GRM4: variants seen among roughly 807,000 people sequenced by gnomAD.
The protein encoded by GRM4 is metabotropic glutamate receptor 4.
GRM4 carries 28 observed loss-of-function variants against 81.7 expected under a neutral mutation model. The observed-to-expected ratio is 0.34, with a 90% CI of 0.25 to 0.47. The LOEUF is 0.47. GRM4 is among the 20% of genes least tolerant of loss of function. The probability of loss-of-function intolerance (pLI) is 1.00; values close to 1 mark genes in which losing one functional copy is unlikely to be tolerated. For missense variants in GRM4, 948 were observed against 1,290.0 expected (o/e 0.73, Z 4.06); for synonymous variants, 488 against 528.8 (o/e 0.92, Z 1.06).
chr6:34,029,443 C>G (rs563858867), intron 9 of GRM4, among the ~76,000 whole-genome samples: 2 of 152,130 alleles, frequency 1.3e-5, no homozygotes, highest in African/African-American at 2.4e-5. Context: ...TCTGGCAGTA[C>G]CCCCCATGTA....
In GRM4 at chr6:34,133,095, G is replaced by A; in HGVS notation, c.402C>T (p.Val134=). The A allele has an allele frequency of 1.2e-6, 2 of 1,614,096 alleles. No homozygotes were observed. Among genetic ancestry groups the A allele is most frequent in the South Asian group, 1.1e-5 (1 of 91,072 alleles). The change falls in exon 2 of 11, where the codon GTC becomes GTT. Residue 134 remains valine (V), a synonymous_variant. Transcript: ENST00000538487. This position sits in a 1 kb window ranked among gnomAD's most constrained non-coding sequence, Gnocchi z 6.5. The part of the protein sequence containing the change: ...QALIEKDGTE[V]RCGSGGPPII... ...TGGGTGGGCCGCCACTGCCACAGCG[G>A]ACCTCTGTGCCATCCTTCTCGATGA... is the stretch of plus-strand genomic sequence containing the variant.
intron 2 of GRM4, among the ~76,000 whole-genome samples, chr6:34,095,884 G>A (rs538637843): frequency 9.2e-5 from 14 of 152,314 alleles, no homozygotes; most frequent in Non-Finnish European, 1.3e-4. Flanking sequence ...CCACGTCTGC[G>A]TCTAAGCAGG....
At chr6:34,125,533 C>G (rs1769990063) in intron 2 of GRM4, among the ~76,000 whole-genome samples, 1 of 152,240 alleles carries the variant, frequency 6.6e-6, no homozygotes, top group South Asian at 2.1e-4. Context: ...TCCCCGAACT[C>G]CCCCATGACT....
intron 3 of GRM4, among the ~76,000 whole-genome samples, chr6:34,072,160 ACC>A (rs1766934881): frequency 5.1e-5 from 2 of 38,990 alleles, no homozygotes; most frequent in Non-Finnish European, 1.3e-4. Flanking sequence ...CACCACACAC[ACC>A]CATACATCAC....
At chr6:34,102,035 C>T (rs571291990) in intron 2 of GRM4, 18 of 1,535,486 alleles carry the variant, frequency 1.2e-5, no homozygotes, top group Non-Finnish European at 1.4e-5. Context: ...TCCTCCACCC[C>T]CAAAGCATGG....
At position 34,112,749 on chromosome 6, in the gene GRM4, G is replaced by T. The variant is rs374243363; in HGVS notation, c.519+20229C>A. ...AGCCCCCCGCCCTATCCCCTGCCTG[G>T]CTCCCTCCCTTGCCTGGGGCTCAGG... On this transcript the variant is annotated intron_variant, in intron 2 of 10. Coordinates refer to ENST00000538487, the MANE Select transcript of GRM4 (RefSeq NM_000841.4). Among the ~76,000 whole-genome samples the T allele has an allele frequency of 2.9e-3, 437 of 152,100 alleles. 2 individuals are homozygous for T. The highest frequency in any genetic ancestry group is 0.011 in the East Asian group (55 of 5,182).
At position 34,092,170 on chromosome 6, in the gene GRM4, AC is replaced by A. The variant is rs1768267468; in HGVS notation, c.520-72del. ...CCTGCCTAGCCAGCCCCATTCCCCT[AC>A]ACACCAACCTCCCTTTGGTCCCCAC... On this transcript the variant is annotated intron_variant, in intron 2 of 10. Coordinates refer to ENST00000538487, the MANE Select transcript of GRM4 (RefSeq NM_000841.4). This position sits in a 1 kb window ranked among gnomAD's most constrained non-coding sequence, Gnocchi z 6.8. 4.9e-6 allele frequency: 5 copies of A among 1,022,388 alleles called. No homozygotes were observed. The South Asian group carries it at 7.3e-5, about 15-fold the overall frequency. The allele number at this position is 1,022,388 out of a possible 1,614,324, so 63.3% of individuals were successfully genotyped here.
chr6:34,086,699 A>G (rs11962581), intron 3 of GRM4, among the ~76,000 whole-genome samples: 5 of 152,226 alleles, frequency 3.3e-5, no homozygotes, highest in African/African-American at 1.2e-4. Context: ...GCAGGATTCA[A>G]ATCCTGCCCC....
chr6:34,103,484 CAGGCGG>C, intron 2 of GRM4: 9 of 926,472 alleles, frequency 9.7e-6, no homozygotes, highest in Admixed American at 2.0e-5. Context: ...CCCGAGAGAG[CAGGCGG>C]GGGCGGCGGG....
At chr6:34,105,018 G>C (rs1305818107) in intron 2 of GRM4, among the ~76,000 whole-genome samples, 1 of 152,154 alleles carries the variant, frequency 6.6e-6, no homozygotes, top group African/African-American at 2.4e-5. Context: ...GCCAGCAGTG[G>C]GGCGTGGCCA....
chr6:34,035,700 T>G lies in GRM4; in HGVS notation c.2410A>C (p.Ile804Leu). The G allele has an allele frequency of 6.3e-7, 1 of 1,583,652 alleles. No homozygotes were observed. The highest frequency in any genetic ancestry group is 8.6e-7 in the Non-Finnish European group (1 of 1,158,272). ...GCCGACTGCGAGGTGCCAAAGAAGATGGGGATGAAGGCCAGCCAGACGATG... is the reference window on the plus strand; with the variant it reads ...GCCGACTGCGAGGTGCCAAAGAAGAGGGGGATGAAGGCCAGCCAGACGATG... The part of the protein sequence containing the change: ...TCIVWLAFIP[I>L]FFGTSQSADK... Residue 804 changes from isoleucine to leucine, a missense_variant, in exon 9 of 11, where the codon ATC (isoleucine) becomes CTC (leucine). Coordinates refer to ENST00000538487, the MANE Select transcript of GRM4 (RefSeq NM_000841.4). This position sits in a 1 kb window ranked among gnomAD's most constrained non-coding sequence, Gnocchi z 6.6.
exon 1 of GRM4, chr6:34,155,348 G>A (rs771826164): frequency 6.7e-7 from 1 of 1,499,746 alleles, no homozygotes; most frequent in South Asian, 1.3e-5. Flanking sequence ...GGAGGGGCGC[G>A]CCAGCCGCAG....
chr6:34,067,146 G>A (rs915247306), intron 3 of GRM4, among the ~76,000 whole-genome samples: 1 of 152,178 alleles, frequency 6.6e-6, no homozygotes, highest in African/African-American at 2.4e-5. Flanking sequence ...ATCCCCACGT[G>A]AACATGACAT....
At position 34,115,576 on chromosome 6, in the gene GRM4, C is replaced by G. The variant is rs1201528509; in HGVS notation, c.519+17402G>C. Among the ~76,000 whole-genome samples the G allele has an allele frequency of 7.9e-5, 12 of 152,168 alleles. No homozygotes were observed. The highest frequency in any genetic ancestry group is 8.8e-5 in the Non-Finnish European group (6 of 68,032). On this transcript the variant is annotated intron_variant, in intron 2 of 10. Coordinates refer to ENST00000538487, the MANE Select transcript of GRM4 (RefSeq NM_000841.4). The surrounding 1 kb of genome is among the most constrained non-coding windows in gnomAD (Gnocchi z 4.1). ...CAGGGGTCTGCCCGAAGACACTCGG[C>G]AAACCTTTCAGGCCTCTAAAAGACC...
chr6:34,068,390 T>C lies in GRM4; in HGVS notation c.737-6362A>G, dbSNP rs946964911. On this transcript the variant is annotated intron_variant, in intron 3 of 10. Transcript: ENST00000538487. The surrounding 1 kb of genome is among the most constrained non-coding windows in gnomAD (Gnocchi z 4.2). ...GCTAAATGAATTCACATTTCTGTCC[T>C]GCACGACCTGGGGTTGTCTGAGCCT... Among the ~76,000 whole-genome samples the C allele has an allele frequency of 6.6e-6, 1 of 152,194 alleles. No individual in the cohort carries two copies. Among genetic ancestry groups the C allele is most frequent in the Non-Finnish European group, 1.5e-5 (1 of 68,034 alleles).
At chr6:34,060,974 G>A (rs1766150411) in intron 4 of GRM4, 1 of 152,318 alleles carries the variant, frequency 6.6e-6, no homozygotes, top group Non-Finnish European at 1.5e-5. Flanking sequence ...GAGGGTATCT[G>A]TTTTGCAGCA....
chr6:34,020,734 T>C lies in GRM4; in HGVS notation c.*2087A>G, dbSNP rs1382264946. ...CATTTATTGAGCATCTACTAGGTGCTGCACACAGACCCCAGGGAAGAAGAG... is the reference window on the plus strand; with the variant it reads ...CATTTATTGAGCATCTACTAGGTGCCGCACACAGACCCCAGGGAAGAAGAG... On this transcript the variant is annotated 3_prime_UTR_variant, in exon 11 of 11. Transcript: ENST00000538487. The C allele has an allele frequency of 1.3e-5, 2 of 152,230 alleles. No homozygotes were observed. Among genetic ancestry groups the C allele is most frequent in the Admixed American group, 6.5e-5 (1 of 15,292 alleles). 9.4% of individuals were successfully genotyped at this position (152,230 alleles called of 1,614,324 possible). A position where few individuals can be genotyped will look rare whatever the true frequency, so the allele number is the denominator to read the frequency against.
rs1764650895 is a variant in GRM4 at position 34,035,644 on chromosome 6, C to A, written c.2442+24G>T. 1.6e-5 allele frequency: 20 copies of A among 1,221,112 alleles called. No homozygotes were observed. The highest frequency in any genetic ancestry group is 4.1e-5 in the South Asian group (3 of 73,228). 75.6% of individuals were successfully genotyped at this position (1,221,112 alleles called of 1,614,324 possible). Reference sequence around the variant, plus strand: ...CTCACTGCCCTCACCTACCCACCGTCCACCCCCGGCCCCCACCACTCACCT... The same window carrying A: ...CTCACTGCCCTCACCTACCCACCGTACACCCCCGGCCCCCACCACTCACCT... On this transcript the variant is annotated intron_variant, in intron 9 of 10. Coordinates refer to ENST00000538487, the MANE Select transcript of GRM4 (RefSeq NM_000841.4). This position sits in a 1 kb window ranked among gnomAD's most constrained non-coding sequence, Gnocchi z 6.6.
At chr6:34,128,709 A>G (rs549264411) in intron 2 of GRM4, among the ~76,000 whole-genome samples, 1 of 152,148 alleles carries the variant, frequency 6.6e-6, no homozygotes, top group Admixed American at 6.5e-5. Flanking sequence ...GTGCTGTCCT[A>G]TGAGGCTGGC....
Sources: allele counts gnomAD v4.1 joint callset (sites outside exome capture counted in the v4.1 genomes callset), GRCh38; gene constraint gnomAD v4.1.1; non-coding constraint Gnocchi (gnomAD v3.1); transcripts MANE v1.5; gene names NCBI Gene and HGNC (gene_info 2026-07-23, HGNC 2026-07-21).